The following TMEM255A variants were observed in gnomAD, a reference collection of about 807,000 sequenced individuals.
The protein encoded by TMEM255A is family with sequence similarity 70, member A.
In TMEM255A, 14 loss-of-function variants were observed where a neutral mutation model predicts 23.5. That is an observed-to-expected ratio of 0.60 (90% CI 0.39 to 0.93). The LOEUF (loss-of-function observed/expected upper bound fraction) is 0.93, where lower values mean the gene tolerates loss of function less well. Among genes scored for constraint, TMEM255A ranks in the 40% least tolerant of loss-of-function variants. The pLI, the probability that TMEM255A is intolerant of heterozygous loss-of-function variation, is 0.00. For synonymous variants in TMEM255A, 104 were observed against 100.3 expected (o/e 1.04, Z -0.22); for missense variants, 233 against 261.7 (o/e 0.89, Z 0.76).
the TMEM255A span, among the ~76,000 whole-genome samples, chrX:120,251,645 C>T: frequency 9.8e-5 from 11 of 112,025 alleles, no homozygotes; most frequent in Non-Finnish European, 1.7e-4. Flanking sequence ...TTCACTCCCT[C>T]GCGGATGGCT....
In TMEM255A at chrX:120,260,932, G is replaced by A. The variant is rs782270668; in HGVS notation, c.916C>T (p.Pro306Ser). 6 of 1,197,771 alleles carry A rather than the reference G, an allele frequency of 5.0e-6. No individual in the cohort carries two copies. The highest frequency in any genetic ancestry group is 3.6e-5 in the African/African-American group (2 of 56,090). ...TAGTAGGGTGGAGAGTAACGGGGCGGTGCACTTGAGGACCACATGTAGCTG... is the reference window on the plus strand; with the variant it reads ...TAGTAGGGTGGAGAGTAACGGGGCGATGCACTTGAGGACCACATGTAGCTG... ...SPSYMWSSSA[P>S]PRYSPPYYPP... The change falls in exon 9 of 9, where the codon CCG (proline) becomes TCG (serine). Residue 306 changes from proline (P) to serine (S), a missense_variant. Physicochemically the swap from Pro to Ser is moderately conservative, Grantham distance 74. Coordinates refer to ENST00000371369, the MANE Select transcript of TMEM255A (RefSeq NM_001104544.3).
chrX:120,275,784 A>ATTTTTTTTTTTTTTTTT lies in TMEM255A; in HGVS notation c.675+1084_675+1100dup, dbSNP rs11342181. Reference sequence around the variant, plus strand: ...GAATCTTTAGAGAAGGAGCCCAAGCATTTTTTTTTTTTTTTTTTTTTTTTT... The same window carrying ATTTTTTTTTTTTTTTTT: ...GAATCTTTAGAGAAGGAGCCCAAGCATTTTTTTTTTTTTTTTTTTTTTTTTTTTTTTTTTTTTTTTTT... On this transcript the variant is annotated intron_variant, in intron 7 of 8. Coordinates refer to ENST00000371369, the MANE Select transcript of TMEM255A (RefSeq NM_001104544.3). 2.7e-4 allele frequency among the ~76,000 whole-genome samples: 16 copies of ATTTTTTTTTTTTTTTTT among 60,250 alleles called. 1 individual carries two copies. The highest frequency in any genetic ancestry group is 7.8e-4 in the African/African-American group (11 of 14,095). The allele number at this position is 60,250 out of a possible 115,157, so 52.3% of individuals were successfully genotyped here. A position where few individuals can be genotyped will look rare whatever the true frequency, so the allele number is the denominator to read the frequency against.
Position 120,259,046 on chromosome X carries a change from G to T in TMEM255A, c.*1824C>A, listed in dbSNP as rs1395662801. The T allele has an allele frequency of 8.9e-6, 1 of 112,709 alleles. No individual in the cohort carries two copies. Among genetic ancestry groups the T allele is most frequent in the Non-Finnish European group, 1.9e-5 (1 of 53,221 alleles). The allele number at this position is 112,709 out of a possible 1,213,427, so 9.3% of individuals were successfully genotyped here. On this transcript the variant is annotated 3_prime_UTR_variant, in exon 9 of 9. Transcript: ENST00000371369. ...GAAAAATACATAGAAATGAGCCATA[G>T]AATCTTAACACTTTAAGAAATGTGA...
At chrX:120,251,659 A>C in the TMEM255A span, among the ~76,000 whole-genome samples, 1 of 111,592 alleles carries the variant, frequency 9.0e-6, no homozygotes, top group Non-Finnish European at 1.9e-5. Context: ...GATGGCTTTT[A>C]TCTCTTTCCA....
intron 5 of TMEM255A, among the ~76,000 whole-genome samples, chrX:120,286,803 G>A (rs2057878280): frequency 9.0e-6 from 1 of 111,717 alleles, no homozygotes; most frequent in Non-Finnish European, 1.9e-5. Flanking sequence ...ACTGAGCACT[G>A]AGTTCAGGCA....
downstream of TMEM255A, chrX:120,255,662 C>G (rs2057633696): frequency 2.9e-6 from 1 of 346,341 alleles, no homozygotes; most frequent in Admixed American, 5.3e-5. Flanking sequence ...GTTTTCAGCT[C>G]ATTTAAAAGA....
At chrX:120,305,767 C>T (rs902070915) in intron 1 of TMEM255A, among the ~76,000 whole-genome samples, 1 of 111,034 alleles carries the variant, frequency 9.0e-6, no homozygotes, top group East Asian at 2.9e-4. Context: ...GGTGGTGAGA[C>T]GGGAGGGGTT....
chrX:120,270,263 TTC>T (rs1263995489), intron 7 of TMEM255A, among the ~76,000 whole-genome samples: 4 of 110,180 alleles, frequency 3.6e-5, no homozygotes, highest in Non-Finnish European at 7.6e-5. Context: ...TGGGCCCTGT[TTC>T]TATTTGTGTG....
chrX:120,303,120 C>T (rs889117049), intron 2 of TMEM255A, among the ~76,000 whole-genome samples: 5 of 111,613 alleles, frequency 4.5e-5, no homozygotes, highest in Non-Finnish European at 9.4e-5. Flanking sequence ...TGTACGTAGA[C>T]TCAAATTAGG....
At chrX:120,283,984 C>G (rs1212040105) in intron 6 of TMEM255A, among the ~76,000 whole-genome samples, 1 of 111,739 alleles carries the variant, frequency 8.9e-6, no homozygotes, top group Non-Finnish European at 1.9e-5. Flanking sequence ...ACTACCTCTT[C>G]ACAACTACCA....
At chrX:120,251,692 G>A in the TMEM255A span, among the ~76,000 whole-genome samples, 2 of 112,042 alleles carry the variant, frequency 1.8e-5, no homozygotes, top group African/African-American at 3.3e-5. Flanking sequence ...CCTCCGAACT[G>A]GCCCTCGGTC....
intron 3 of TMEM255A, among the ~76,000 whole-genome samples, chrX:120,292,365 A>G (rs2057921586): frequency 9.0e-6 from 1 of 111,678 alleles, no homozygotes; most frequent in African/African-American, 3.3e-5. Context: ...GACCCTCAGA[A>G]CTAGATGGAA....
In TMEM255A at chrX:120,289,133, T is replaced by A. The variant is rs782800978; in HGVS notation, c.355-1911A>T. Among the ~76,000 whole-genome samples, 3 of 111,988 alleles carry A rather than the reference T, an allele frequency of 2.7e-5. No homozygotes were observed. In the East Asian group the frequency reaches 8.4e-4, roughly 31 times the overall value. ...GGTCCAAATGTGCCTTTCATTTAAGTTGGCCAACAGATACCATCATAGATT... is the reference window on the plus strand; with the variant it reads ...GGTCCAAATGTGCCTTTCATTTAAGATGGCCAACAGATACCATCATAGATT... On this transcript the variant is annotated intron_variant, in intron 4 of 8. Coordinates refer to ENST00000371369, the MANE Select transcript of TMEM255A (RefSeq NM_001104544.3).
At chrX:120,295,474 C>A (rs1343083410) in intron 2 of TMEM255A, among the ~76,000 whole-genome samples, 3 of 111,264 alleles carry the variant, frequency 2.7e-5, no homozygotes, top group Non-Finnish European at 5.7e-5. Context: ...TTGTGCAGGG[C>A]CACTCAGACA....
chrX:120,288,828 G>A (rs782166984), intron 4 of TMEM255A, among the ~76,000 whole-genome samples: 1 of 112,500 alleles, frequency 8.9e-6, no homozygotes, highest in African/African-American at 3.2e-5. Context: ...AACCCTGAAA[G>A]GTAGGTTACT....
chrX:120,251,876 C>T, the TMEM255A span, among the ~76,000 whole-genome samples: 1 of 112,340 alleles, frequency 8.9e-6, no homozygotes, highest in Non-Finnish European at 1.9e-5. Context: ...TTGACGCATT[C>T]CCATATTGGA....
chrX:120,265,460 TC>T (rs1255090144), intron 8 of TMEM255A, among the ~76,000 whole-genome samples: 2 of 111,999 alleles, frequency 1.8e-5, no homozygotes, highest in Non-Finnish European at 3.8e-5. Context: ...AGGAAGGGAA[TC>T]CTTTTTCAGT....
At chrX:120,301,590 G>A (rs1425674543) in intron 2 of TMEM255A, among the ~76,000 whole-genome samples, 9 of 101,928 alleles carry the variant, frequency 8.8e-5, no homozygotes, top group Non-Finnish European at 1.6e-4. Flanking sequence ...CACCCCCCAC[G>A]GATTCTTTCC....
intron 5 of TMEM255A, chrX:120,285,896 T>G: frequency 3.4e-6 from 4 of 1,187,336 alleles, no homozygotes; most frequent in Non-Finnish European, 4.5e-6. Context: ...CCATCTCTTG[T>G]TAGCAAGAAA....
Sources: gnomAD v4.1 joint callset for allele counts (sites outside exome capture counted in the v4.1 genomes callset) on GRCh38, gnomAD v4.1.1 for gene constraint, MANE v1.5 for transcripts, NCBI Gene and HGNC (gene_info 2026-07-23, HGNC 2026-07-21) for gene names.